Variants in TOX observed in about 807,000 individuals in gnomAD.
TOX encodes the protein thymocyte selection associated high mobility group box, also known as thymocyte selection-associated high mobility group box protein TOX.
Under a neutral mutation model 53.7 loss-of-function variants are expected in TOX, and 11 were observed. The ratio of observed to expected loss-of-function variants is 0.20; its 90% CI spans 0.13 to 0.34. TOX has a LOEUF of 0.34. Ranked by LOEUF, TOX falls within the 10% of genes least tolerant of loss-of-function variation. TOX has a pLI of 1.00. For synonymous variants in TOX, 225 were observed against 245.3 expected (o/e 0.92, Z 0.77); for missense variants, 570 against 664.6 (o/e 0.86, Z 1.56).
At chr8:59,043,111 C>T (rs1028138220) in intron 1 of TOX, among the ~76,000 whole-genome samples, 8 of 152,080 alleles carry the variant, frequency 5.3e-5, no homozygotes, top group East Asian at 1.9e-4. Flanking sequence ...CCCCAGCCTC[C>T]GGTAATCACC....
intron 3 of TOX, among the ~76,000 whole-genome samples, chr8:58,921,848 A>G (rs756847634): frequency 6.6e-5 from 10 of 152,182 alleles, no homozygotes; most frequent in African/African-American, 2.2e-4. Context: ...TTCACTACAT[A>G]TATTTTTATC....
chr8:58,883,876 T>G (rs1811426416), intron 3 of TOX, among the ~76,000 whole-genome samples: 1 of 152,130 alleles, frequency 6.6e-6, no homozygotes, highest in South Asian at 2.1e-4. Context: ...CAATAAATCT[T>G]CTCTTAAATA....
At chr8:58,994,749 C>T (rs1051322434) in intron 1 of TOX, among the ~76,000 whole-genome samples, 1 of 152,186 alleles carries the variant, frequency 6.6e-6, no homozygotes, top group Non-Finnish European at 1.5e-5. Flanking sequence ...CCCATCTCCC[C>T]ACTTCACCTG....
intron 1 of TOX, among the ~76,000 whole-genome samples, chr8:59,057,031 G>T (rs1316765915): frequency 1.3e-5 from 2 of 152,042 alleles, no homozygotes; most frequent in Admixed American, 6.6e-5. Context: ...CTTTAATAAC[G>T]TAGTTCTTTC....
At chr8:59,029,806 C>A (rs1585974668) in intron 1 of TOX, among the ~76,000 whole-genome samples, 1 of 152,286 alleles carries the variant, frequency 6.6e-6, no homozygotes, top group African/African-American at 2.4e-5. Flanking sequence ...GCCAACTCAT[C>A]TTCCAACCCA....
At chr8:59,096,041 T>G (rs1193943605) in intron 1 of TOX, among the ~76,000 whole-genome samples, 2 of 152,202 alleles carry the variant, frequency 1.3e-5, no homozygotes, top group Non-Finnish European at 2.9e-5. Flanking sequence ...TCCCCAACAG[T>G]GTTGTTATTC....
At position 59,118,833 on chromosome 8, in the gene TOX, C is replaced by T; in HGVS notation, c.102+53G>A. On this transcript the variant is annotated intron_variant, in intron 1 of 8. Coordinates refer to ENST00000361421, the MANE Select transcript of TOX (RefSeq NM_014729.3). This position sits in a 1 kb window ranked among gnomAD's most constrained non-coding sequence, Gnocchi z 4.1. ...GCCGCGGCCCGGCCACCGCCGCTCCCCTCCCAGGATCAAGCAGCAAGAACA... is the reference window on the plus strand; with the variant it reads ...GCCGCGGCCCGGCCACCGCCGCTCCTCTCCCAGGATCAAGCAGCAAGAACA... 1 of 1,440,448 alleles carries T rather than the reference C, an allele frequency of 6.9e-7. No homozygotes were observed. Among genetic ancestry groups the T allele is most frequent in the Non-Finnish European group, 9.4e-7 (1 of 1,059,252 alleles). 89.2% of individuals were successfully genotyped at this position (1,440,448 alleles called of 1,614,324 possible). A position where few individuals can be genotyped will look rare whatever the true frequency, so the allele number is the denominator to read the frequency against.
At chr8:59,092,394 A>G (rs1265352654) in intron 1 of TOX, among the ~76,000 whole-genome samples, 1 of 134,516 alleles carries the variant, frequency 7.4e-6, no homozygotes, top group Non-Finnish European at 1.5e-5. Flanking sequence ...TCTTGCTGGT[A>G]TAAAAAAAGT....
chr8:58,911,198 A>C (rs1811903163), intron 3 of TOX, among the ~76,000 whole-genome samples: 2 of 152,164 alleles, frequency 1.3e-5, no homozygotes, highest in African/African-American at 4.8e-5. Context: ...CATTTTAAGC[A>C]GTTCCCTTTG....
intron 1 of TOX, among the ~76,000 whole-genome samples, chr8:59,010,278 T>C (rs1813878847): frequency 6.6e-6 from 1 of 152,222 alleles, no homozygotes; most frequent in African/African-American, 2.4e-5. Flanking sequence ...TAAAATGCTT[T>C]ATAAGTTACC....
intron 2 of TOX, among the ~76,000 whole-genome samples, chr8:58,950,789 G>C (rs527430598): frequency 6.6e-6 from 1 of 152,204 alleles, no homozygotes; most frequent in South Asian, 2.1e-4. Context: ...TCCTGGACTT[G>C]GACAAGAAAA....
intron 1 of TOX, chr8:58,991,674 A>C (rs1200268116): frequency 6.6e-6 from 1 of 152,190 alleles, no homozygotes; most frequent in Non-Finnish European, 1.5e-5. Context: ...ACAAAAATGA[A>C]ACTTGTGACT....
chr8:58,845,337 C>G (rs887325685), intron 4 of TOX, among the ~76,000 whole-genome samples: 2 of 152,104 alleles, frequency 1.3e-5, no homozygotes, highest in African/African-American at 2.4e-5. Flanking sequence ...ATATTATAAA[C>G]TCCTCTCCAT....
In TOX at chr8:59,101,992, T is replaced by G. The variant is rs934757301; in HGVS notation, c.102+16894A>C. On this transcript the variant is annotated intron_variant, in intron 1 of 8. Coordinates refer to ENST00000361421, the MANE Select transcript of TOX (RefSeq NM_014729.3). ...GAAGCCCACTGTGGGCAGGTGAGGA[T>G]GCAGGTGGGAGAGTGGTAGTGAAAG... is the stretch of plus-strand genomic sequence containing the variant. Among the ~76,000 whole-genome samples, 7 of 152,150 alleles carry G rather than the reference T, an allele frequency of 4.6e-5. No homozygotes were observed. The South Asian group carries it at 1.4e-3, about 32-fold the overall frequency.
chr8:58,943,685 A>C (rs1336621723), intron 2 of TOX, among the ~76,000 whole-genome samples: 1 of 151,022 alleles, frequency 6.6e-6, no homozygotes, highest in Non-Finnish European at 1.5e-5. Context: ...AAGTCCTATG[A>C]GTCTGGGTTC....
At chr8:59,015,682 T>C (rs535643385) in intron 1 of TOX, among the ~76,000 whole-genome samples, 4 of 152,250 alleles carry the variant, frequency 2.6e-5, no homozygotes, top group Admixed American at 6.5e-5. Context: ...TTGATACTAA[T>C]GAAATAAATA....
chr8:58,913,548 A>G (rs1047805805), intron 3 of TOX, among the ~76,000 whole-genome samples: 2 of 151,992 alleles, frequency 1.3e-5, no homozygotes, highest in Non-Finnish European at 2.9e-5. Flanking sequence ...CCTTTTCTTC[A>G]TTCTCTTGGT....
chr8:58,998,210 C>A (rs1023480284), intron 1 of TOX, among the ~76,000 whole-genome samples: 10 of 150,946 alleles, frequency 6.6e-5, no homozygotes, highest in South Asian at 4.2e-4. Context: ...ATATGGTAGC[C>A]GGGTGTGGTG....
chr8:58,856,604 A>G (rs1810920324), intron 3 of TOX, among the ~76,000 whole-genome samples: 1 of 152,178 alleles, frequency 6.6e-6, no homozygotes, highest in Non-Finnish European at 1.5e-5. Context: ...TTGTGCTGAA[A>G]AATGGGCCCC....
Sources: gnomAD v4.1 joint callset for allele counts (sites outside exome capture counted in the v4.1 genomes callset) on GRCh38, gnomAD v4.1.1 for gene constraint, Gnocchi (gnomAD v3.1) non-coding constraint, MANE v1.5 for transcripts, NCBI Gene and HGNC (gene_info 2026-07-23, HGNC 2026-07-21) for gene names.